ROBO2: variants seen among roughly 807,000 people sequenced by gnomAD.
ROBO2 encodes roundabout guidance receptor 2.
A neutral mutation model predicts 160.8 loss-of-function variants in ROBO2; 53 were observed. The observed-to-expected ratio is 0.33, with a 90% confidence interval of 0.26 to 0.41. The LOEUF (loss-of-function observed/expected upper bound fraction) is 0.41, where lower values mean the gene tolerates loss of function less well. Ranked by LOEUF, ROBO2 falls within the 10% of genes least tolerant of loss-of-function variation. The pLI is 1.00. For synonymous variants in ROBO2, 664 were observed against 611.7 expected, an observed-to-expected ratio of 1.09 and a Z score of -1.26; for missense variants, 1,577 against 1,722.4, an observed-to-expected ratio of 0.92 and a Z score of 1.49.
At chr3:77,059,317 G>C (rs2066063771) in intron 1 of ROBO2, among the ~76,000 whole-genome samples, 1 of 152,132 alleles carries the variant, frequency 6.6e-6, no homozygotes, top group South Asian at 2.1e-4. Flanking sequence ...GTGGAAGAAG[G>C]CTGGGCTGGA....
At chr3:76,191,119 T>G (rs1399270494) in intron 2 of ROBO2, among the ~76,000 whole-genome samples, 1 of 152,166 alleles carries the variant, frequency 6.6e-6, no homozygotes, top group Non-Finnish European at 1.5e-5. Flanking sequence ...AGGTTTAGAC[T>G]ACAGAGCAAG....
chr3:75,980,333 C>A (rs186554616), intron 2 of ROBO2, among the ~76,000 whole-genome samples: 1 of 151,648 alleles, frequency 6.6e-6, no homozygotes, highest in Non-Finnish European at 1.5e-5. Context: ...GGTTCCTGAT[C>A]CAACAATCAC....
At chr3:76,160,377 A>G (rs2072574024) in intron 2 of ROBO2, among the ~76,000 whole-genome samples, 1 of 152,160 alleles carries the variant, frequency 6.6e-6, no homozygotes, top group Admixed American at 6.6e-5. Flanking sequence ...CTCCACTTTA[A>G]TATTAATTTC....
At chr3:77,249,031 T>C (rs1325505703) in intron 2 of ROBO2, among the ~76,000 whole-genome samples, 1 of 152,014 alleles carries the variant, frequency 6.6e-6, no homozygotes, top group Non-Finnish European at 1.5e-5. Context: ...TCTGTGTTTT[T>C]AGTAGAGAAG....
chr3:77,288,456 A>G (rs1172017272), intron 2 of ROBO2, among the ~76,000 whole-genome samples: 1 of 152,178 alleles, frequency 6.6e-6, no homozygotes, highest in Non-Finnish European at 1.5e-5. Flanking sequence ...TCAAATCTTC[A>G]TATGGATTTT....
At chr3:75,919,253 T>C (rs1006352555) in intron 1 of ROBO2, among the ~76,000 whole-genome samples, 1 of 152,172 alleles carries the variant, frequency 6.6e-6, no homozygotes, top group Admixed American at 6.5e-5. Context: ...ATGAGGGGTG[T>C]TGAATTTTAT....
At chr3:75,908,454 T>TC (rs2106700403) in intron 1 of ROBO2, among the ~76,000 whole-genome samples, 1 of 41,622 alleles carries the variant, frequency 2.4e-5, no homozygotes, top group African/African-American at 9.6e-5. Flanking sequence ...TTTGTAGATG[T>TC]AGAGACTGTG....
intron 2 of ROBO2, among the ~76,000 whole-genome samples, chr3:76,410,843 T>A (rs998520692): frequency 6.6e-6 from 1 of 152,162 alleles, no homozygotes; most frequent in African/African-American, 2.4e-5. Flanking sequence ...TTGGATGAGA[T>A]GTGTGGAATG....
At chr3:76,622,189 A>AG (rs1368205896) in intron 2 of ROBO2, among the ~76,000 whole-genome samples, 21 of 45,910 alleles carry the variant, frequency 4.6e-4, no homozygotes, top group African/African-American at 1.7e-3. Context: ...ACTAAAAAAA[A>AG]GAAAGGAAGG....
chr3:77,369,196 C>T (rs564859416), intron 2 of ROBO2, among the ~76,000 whole-genome samples: 1 of 152,272 alleles, frequency 6.6e-6, no homozygotes, highest in African/African-American at 2.4e-5. Flanking sequence ...TCACACTCTT[C>T]AGTCTCCCAA....
At chr3:77,061,267 G>A (rs1321821203) in intron 1 of ROBO2, among the ~76,000 whole-genome samples, 1 of 152,144 alleles carries the variant, frequency 6.6e-6, no homozygotes, top group Non-Finnish European at 1.5e-5. Flanking sequence ...AGTCTAAATT[G>A]TTGGTTGCCC....
intron 2 of ROBO2, among the ~76,000 whole-genome samples, chr3:76,164,736 G>A (rs150983162): frequency 2.0e-5 from 3 of 152,102 alleles, no homozygotes; most frequent in African/African-American, 4.8e-5. Flanking sequence ...TACAGGGCAC[G>A]GGAAGAGAAT....
chr3:76,323,045 A>G (rs2072697149), intron 2 of ROBO2, among the ~76,000 whole-genome samples: 1 of 152,116 alleles, frequency 6.6e-6, no homozygotes, highest in Admixed American at 6.6e-5. Flanking sequence ...ACAAGGTCAT[A>G]TATGCAAAGT....
At position 76,787,158 on chromosome 3, in the gene ROBO2, C is replaced by T. The variant is rs968662803; in HGVS notation, c.110-310856C>T. Reference sequence around the variant, plus strand: ...ACCTCCCACCATGTCCCTCACTCAACCCTGGGAATTACAATTCAACATGAG... The same window carrying T: ...ACCTCCCACCATGTCCCTCACTCAATCCTGGGAATTACAATTCAACATGAG... On this transcript the variant is annotated intron_variant, in intron 2 of 26. Transcript: ENST00000487694. Among the ~76,000 whole-genome samples the T allele has an allele frequency of 3.3e-5, 5 of 151,200 alleles. No individual in the cohort carries two copies. In the East Asian group the frequency reaches 9.8e-4, roughly 30 times the overall value.
At chr3:77,162,424 G>A (rs114816126) in intron 2 of ROBO2, among the ~76,000 whole-genome samples, 299 of 152,252 alleles carry the variant, frequency 2.0e-3, no homozygotes, top group Non-Finnish European at 2.5e-3. Context: ...TGAAGGTATC[G>A]TGCTAGGAAA....
chr3:77,565,267 T>C, intron 12 of ROBO2, 147 bp downstream of exon 13: 1 of 981,522 alleles, frequency 1.0e-6, no homozygotes, highest in Non-Finnish European at 1.6e-6. Context: ...AGAAGGTAGC[T>C]TGCTGTTTAT....
intron 2 of ROBO2, among the ~76,000 whole-genome samples, chr3:76,924,300 A>G (rs2076846191): frequency 6.6e-6 from 1 of 152,196 alleles, no homozygotes. Context: ...AGGTGATGAG[A>G]ACACGGGGGC....
At chr3:76,148,226 A>G (rs1039129257) in intron 2 of ROBO2, among the ~76,000 whole-genome samples, 3 of 151,916 alleles carry the variant, frequency 2.0e-5, no homozygotes, top group Non-Finnish European at 4.4e-5. Flanking sequence ...ACCCCCTTAA[A>G]ACTAATAAAA....
intron 2 of ROBO2, among the ~76,000 whole-genome samples, chr3:76,963,464 TAG>T (rs1161780704): frequency 6.6e-6 from 1 of 152,162 alleles, no homozygotes; most frequent in African/African-American, 2.4e-5. Context: ...CATGATTTTA[TAG>T]AGTGATTCTA....
Sources: allele counts gnomAD v4.1 joint callset (sites outside exome capture counted in the v4.1 genomes callset), GRCh38; gene constraint gnomAD v4.1.1; transcripts MANE v1.5; gene names NCBI Gene and HGNC (gene_info 2026-07-23, HGNC 2026-07-21).